The following SLC8A1 variants were observed in gnomAD, a reference collection of about 807,000 sequenced individuals.
SLC8A1 encodes sodium/calcium exchanger 1.
SLC8A1 carries 18 observed loss-of-function variants against 68.3 expected under a neutral mutation model. That is an observed-to-expected ratio of 0.26 (90% CI 0.18 to 0.39). SLC8A1 has a LOEUF of 0.39. Ranked by LOEUF, SLC8A1 falls within the 10% of genes least tolerant of loss-of-function variation. SLC8A1 has a pLI of 1.00. For synonymous variants in SLC8A1, 475 were observed against 415.5 expected, an observed-to-expected ratio of 1.14 and a Z score of -1.74; for missense variants, 985 against 1,156.7, an observed-to-expected ratio of 0.85 and a Z score of 2.15.
chr2:40,448,154 A>G lies in SLC8A1; in HGVS notation c.-25+3750T>C, dbSNP rs572143188. ...CATCAGAAAATGGACTGTTTGATTA[A>G]TAAGTACTACTGAGAACCTAGTCAT... is the stretch of plus-strand genomic sequence containing the variant. On this transcript the variant is annotated intron_variant, in intron 1 of 7. Coordinates refer to ENST00000406785, the Ensembl canonical transcript of SLC8A1. 4.6e-5 allele frequency among the ~76,000 whole-genome samples: 7 copies of G among 152,350 alleles called. No individual in the cohort carries two copies. In the South Asian group the frequency reaches 1.0e-3, roughly 23 times the overall value.
chr2:40,282,484 T>G (rs1418866951), intron 2 of SLC8A1, among the ~76,000 whole-genome samples: 1 of 152,152 alleles, frequency 6.6e-6, no homozygotes, highest in Non-Finnish European at 1.5e-5. Flanking sequence ...GTACATTTGT[T>G]TACGCACTCA....
chr2:40,284,343 A>G (rs1048168656), intron 2 of SLC8A1, among the ~76,000 whole-genome samples: 2 of 137,460 alleles, frequency 1.5e-5, no homozygotes, highest in African/African-American at 5.1e-5. Flanking sequence ...ATCTCTCTAT[A>G]TAAATATATA....
exon 8 of SLC8A1, chr2:40,103,689 GA>G (rs2034032876): frequency 6.6e-6 from 1 of 152,074 alleles, no homozygotes; most frequent in Admixed American, 6.6e-5. Context: ...CACTGATTTG[GA>G]ATCCATTCCA....
At chr2:40,406,403 T>C (rs1390024817) in intron 2 of SLC8A1, among the ~76,000 whole-genome samples, 1 of 152,132 alleles carries the variant, frequency 6.6e-6, no homozygotes, top group African/African-American at 2.4e-5. Flanking sequence ...AAATATATAA[T>C]AAACATGATT....
chr2:40,106,257 G>A (rs2034191201), exon 8 of SLC8A1: 2 of 152,122 alleles, frequency 1.3e-5, no homozygotes, highest in African/African-American at 4.8e-5. Flanking sequence ...AGAACTATCA[G>A]GCTGGGCAAA....
At chr2:40,275,006 A>G (rs2066518367) in intron 2 of SLC8A1, among the ~76,000 whole-genome samples, 1 of 152,232 alleles carries the variant, frequency 6.6e-6, no homozygotes. Context: ...ATTTACTGCA[A>G]AAGTGCATCA....
rs115770964 is a variant in SLC8A1 at position 40,420,435 on chromosome 2, G to C, written c.1808+8038C>G. On this transcript the variant is annotated intron_variant, in intron 2 of 7. Coordinates refer to ENST00000406785, the Ensembl canonical transcript of SLC8A1. ...CTGCATTCATTATTCAGCCATATAA[G>C]GAAGTTAAATGCTACAGCGCCAAAG... 2.9e-3 allele frequency among the ~76,000 whole-genome samples: 444 copies of C among 151,382 alleles called. 2 individuals are homozygous for C. Among genetic ancestry groups the C allele is most frequent in the African/African-American group, 0.01 (419 of 41,322 alleles).
chr2:40,311,203 T>C (rs1217970325), intron 2 of SLC8A1, among the ~76,000 whole-genome samples: 2 of 152,042 alleles, frequency 1.3e-5, no homozygotes, highest in African/African-American at 2.4e-5. Context: ...AATATGCACA[T>C]AAATATCACG....
chr2:40,466,787 T>G (rs1362740207), intron 1 of SLC8A1, among the ~76,000 whole-genome samples: 1 of 152,166 alleles, frequency 6.6e-6, no homozygotes, highest in Non-Finnish European at 1.5e-5. Flanking sequence ...GGCTGAAAAT[T>G]GCAACTTGGA....
chr2:40,506,905 A>G (rs1013826433), intron 1 of SLC8A1, among the ~76,000 whole-genome samples: 1 of 151,886 alleles, frequency 6.6e-6, no homozygotes, highest in African/African-American at 2.4e-5. Flanking sequence ...TGAGGAAGAA[A>G]GAGGTAAGCT....
chr2:40,407,658 G>A (rs887930592), intron 2 of SLC8A1, among the ~76,000 whole-genome samples: 1 of 152,158 alleles, frequency 6.6e-6, no homozygotes, highest in African/African-American at 2.4e-5. Flanking sequence ...TTTGATTGCT[G>A]TGCTGCATAA....
At chr2:40,493,677 CAG>C (rs1705485730) in intron 1 of SLC8A1, among the ~76,000 whole-genome samples, 3 of 139,278 alleles carry the variant, frequency 2.2e-5, no homozygotes, top group African/African-American at 5.4e-5. Context: ...TTTTCCACGA[CAG>C]AGTCTTGCTC....
chr2:40,316,116 C>A (rs534580816), intron 2 of SLC8A1, among the ~76,000 whole-genome samples: 1 of 152,056 alleles, frequency 6.6e-6, no homozygotes, highest in Non-Finnish European at 1.5e-5. Flanking sequence ...GGGTACCTCA[C>A]TGACATAGTA....
chr2:40,332,105 G>A (rs1287578633), intron 2 of SLC8A1, among the ~76,000 whole-genome samples: 1 of 152,064 alleles, frequency 6.6e-6, no homozygotes, highest in East Asian at 1.9e-4. Context: ...ATCAGCCATA[G>A]TGCCTGGCAG....
chr2:40,108,727 G>C (rs531660272), exon 8 of SLC8A1: 2 of 152,180 alleles, frequency 1.3e-5, no homozygotes, highest in Admixed American at 6.5e-5. Flanking sequence ...TGTTTTTTAG[G>C]TGGAATTACG....
At chr2:40,462,001 C>CTTTTGTTTTTTTTT (rs1703368313) in intron 1 of SLC8A1, among the ~76,000 whole-genome samples, 1 of 66,176 alleles carries the variant, frequency 1.5e-5, no homozygotes, top group African/African-American at 6.1e-5. Flanking sequence ...TAAAATCCTC[C>CTTTTGTTTTTTTTT]TTTTTTTTTT....
At chr2:40,269,835 G>A (rs533049574) in intron 2 of SLC8A1, among the ~76,000 whole-genome samples, 27 of 151,854 alleles carry the variant, frequency 1.8e-4, no homozygotes, top group African/African-American at 5.8e-4. Context: ...TAGGGTACAC[G>A]TGCACAATGT....
intron 2 of SLC8A1, among the ~76,000 whole-genome samples, chr2:40,376,738 A>G (rs919885922): frequency 3.3e-5 from 5 of 152,080 alleles, no homozygotes; most frequent in Admixed American, 3.3e-4. Context: ...TCTGTGTACT[A>G]ACTGCCTCAA....
chr2:40,450,113 T>C (rs996153975), intron 1 of SLC8A1, among the ~76,000 whole-genome samples: 2 of 152,174 alleles, frequency 1.3e-5, no homozygotes, highest in African/African-American at 4.8e-5. Flanking sequence ...AAGATGGAGC[T>C]AGTTTTCCCT....
Sources: allele counts gnomAD v4.1 joint callset (sites outside exome capture counted in the v4.1 genomes callset), GRCh38; gene constraint gnomAD v4.1.1; transcripts MANE v1.5; gene names NCBI Gene and HGNC (gene_info 2026-07-23, HGNC 2026-07-21).